The following SHANK2 variants were observed in gnomAD, a reference collection of about 807,000 sequenced individuals.
The protein encoded by SHANK2 is SH3 and multiple ankyrin repeat domains 2.
In SHANK2, 43 loss-of-function variants were observed where a neutral mutation model predicts 133.7. The observed-to-expected ratio is 0.32, with a 90% CI of 0.25 to 0.41. The LOEUF (loss-of-function observed/expected upper bound fraction) is 0.41, where lower values mean the gene tolerates loss of function less well. SHANK2 is among the 10% of genes least tolerant of loss of function. The probability of loss-of-function intolerance (pLI) is 1.00; values close to 1 mark genes in which losing one functional copy is unlikely to be tolerated. For synonymous variants in SHANK2, 1,017 were observed against 952.8 expected (o/e 1.07, Z -1.24); for missense variants, 1,994 against 2,235.8 (o/e 0.89, Z 2.18).
intron 17 of SHANK2, among the ~76,000 whole-genome samples, chr11:70,580,066 G>A (rs577724700): frequency 3.3e-5 from 5 of 152,192 alleles, no homozygotes; most frequent in African/African-American, 1.2e-4. Flanking sequence ...TAATAAACAC[G>A]TGTTGCTGGA....
In SHANK2 at chr11:70,808,984, CTA is replaced by C. The variant is rs1231651836; in HGVS notation, c.1494-1815_1494-1814del. Reference sequence around the variant, plus strand: ...TGTATGTCATTGATTTTGCACAGAGCTATGTTTTCAACCTGACTTCTACACCC... The same window carrying C: ...TGTATGTCATTGATTTTGCACAGAGCTGTTTTCAACCTGACTTCTACACCC... On this transcript the variant is annotated intron_variant, in intron 12 of 25. Coordinates refer to ENST00000601538, the MANE Select transcript of SHANK2 (RefSeq NM_012309.5). 3.9e-5 allele frequency among the ~76,000 whole-genome samples: 6 copies of C among 152,168 alleles called. No homozygotes were observed. In the East Asian group the frequency reaches 1.2e-3, roughly 29 times the overall value.
At position 71,103,080 on chromosome 11, in the gene SHANK2, C is replaced by T. The variant is rs1223799699; in HGVS notation, c.592+6861G>A. Among the ~76,000 whole-genome samples, 2 of 152,202 alleles carry T rather than the reference C, an allele frequency of 1.3e-5. 1 individual carries two copies. Among genetic ancestry groups the T allele is most frequent in the East Asian group, 3.8e-4 (2 of 5,200 alleles). ...AATCCCATTCACAAGGGCTCTGCCC[C>T]CAGGAGCCCATCACCTGCTGAAGGC... On this transcript the variant is annotated intron_variant, in intron 6 of 25. Coordinates refer to ENST00000601538, the MANE Select transcript of SHANK2 (RefSeq NM_012309.5).
chr11:70,952,662 C>T, intron 10 of SHANK2: 1 of 314,266 alleles, frequency 3.2e-6, no homozygotes, highest in Non-Finnish European at 7.0e-6. Context: ...CGCACCCAAG[C>T]TGCTGACGAT....
At position 70,631,546 on chromosome 11, in the gene SHANK2, T is replaced by A. The variant is rs368557294; in HGVS notation, c.2061+28282A>T. ...CGGCAAAGTCCCAGCGGACAGTGAG[T>A]CACTGAGTGCTGGGCCAGGCACAAG... On this transcript the variant is annotated intron_variant, in intron 17 of 25. Coordinates refer to ENST00000601538, the MANE Select transcript of SHANK2 (RefSeq NM_012309.5). 1.6e-4 allele frequency among the ~76,000 whole-genome samples: 24 copies of A among 152,228 alleles called. No homozygotes were observed. In the South Asian group the frequency reaches 2.9e-3, roughly 18 times the overall value.
intron 11 of SHANK2, among the ~76,000 whole-genome samples, chr11:70,835,944 G>A (rs1326906686): frequency 6.6e-6 from 1 of 152,054 alleles, no homozygotes; most frequent in African/African-American, 2.4e-5. Context: ...TGGGCACCCC[G>A]AGCCCACTGC....
At chr11:70,789,482 C>A (rs555639393) in intron 14 of SHANK2, among the ~76,000 whole-genome samples, 2 of 152,276 alleles carry the variant, frequency 1.3e-5, no homozygotes, top group South Asian at 4.2e-4. Context: ...TACACTCACA[C>A]CTTCTACCCA....
At chr11:71,156,437 G>A (rs1381133366) in intron 2 of SHANK2, among the ~76,000 whole-genome samples, 2 of 152,224 alleles carry the variant, frequency 1.3e-5, no homozygotes, top group South Asian at 2.1e-4. Context: ...TGGTGTCACC[G>A]TCTCCTGTCC....
intron 15 of SHANK2, among the ~76,000 whole-genome samples, chr11:70,678,041 A>T (rs1944936723): frequency 6.6e-6 from 1 of 151,830 alleles, no homozygotes; most frequent in African/African-American, 2.4e-5. Flanking sequence ...CCTTGCACCA[A>T]TTTTCCCAGG....
intron 2 of SHANK2, among the ~76,000 whole-genome samples, chr11:71,174,335 T>C (rs1555112737): frequency 6.6e-6 from 1 of 151,728 alleles, no homozygotes; most frequent in African/African-American, 2.4e-5. Flanking sequence ...AGTCCAAGAG[T>C]TTGAGACCAG....
At position 70,857,694 on chromosome 11, in the gene SHANK2, G is replaced by A. The variant is rs75846386; in HGVS notation, c.1175-37012C>T. On this transcript the variant is annotated intron_variant, in intron 11 of 25. Coordinates refer to ENST00000601538, the MANE Select transcript of SHANK2 (RefSeq NM_012309.5). ...CACCTCTTGCTATTAGGGGCATCAC[G>A]GAGCACAAGGGGAGATCTAAGCCCA... is the stretch of plus-strand genomic sequence containing the variant. Among the ~76,000 whole-genome samples the A allele has an allele frequency of 2.0e-4, 30 of 152,288 alleles. No individual in the cohort carries two copies. The East Asian group carries it at 4.8e-3, about 25-fold the overall frequency.
chr11:70,680,123 C>A (rs1208813726), intron 15 of SHANK2, among the ~76,000 whole-genome samples: 1 of 152,152 alleles, frequency 6.6e-6, no homozygotes, highest in Non-Finnish European at 1.5e-5. Flanking sequence ...TCGGTTTCTC[C>A]ATCTGTAACG....
intron 17 of SHANK2, among the ~76,000 whole-genome samples, chr11:70,507,900 G>A (rs782541617): frequency 1.3e-5 from 2 of 152,264 alleles, no homozygotes; most frequent in Non-Finnish European, 2.9e-5. Context: ...CTGGGGCTGG[G>A]AGGAACCCGC....
chr11:70,640,532 G>A (rs1364661221), intron 17 of SHANK2, among the ~76,000 whole-genome samples: 5 of 152,246 alleles, frequency 3.3e-5, no homozygotes, highest in African/African-American at 1.2e-4. Flanking sequence ...CTCAGTTTCT[G>A]GTCATTTGTG....
intron 14 of SHANK2, among the ~76,000 whole-genome samples, chr11:70,790,443 A>G (rs1349830532): frequency 6.6e-6 from 1 of 152,190 alleles, no homozygotes; most frequent in Non-Finnish European, 1.5e-5. Flanking sequence ...TGTGGTTAAC[A>G]TTTACAGTCT....
intron 1 of SHANK2, among the ~76,000 whole-genome samples, chr11:71,237,064 T>C (rs973564864): frequency 2.6e-5 from 4 of 152,146 alleles, no homozygotes; most frequent in Non-Finnish European, 2.9e-5. Flanking sequence ...ACAGTGACCC[T>C]GGAAATGGTC....
intron 2 of SHANK2, among the ~76,000 whole-genome samples, chr11:71,162,073 G>T (rs1953032774): frequency 6.6e-6 from 1 of 152,182 alleles, no homozygotes; most frequent in African/African-American, 2.4e-5. Flanking sequence ...AGCATCACAT[G>T]ATCTCAATGG....
rs181411993 is a variant in SHANK2, at chr11:70,906,973, G to A, written c.1108-10406C>T. ...TGCAGGGCCAGGGCCTTTGCAAATC[G>A]ATGTGTATTACCCAGAAGCCCCTGG... On this transcript the variant is annotated intron_variant, in intron 10 of 25. Coordinates refer to ENST00000601538, the MANE Select transcript of SHANK2 (RefSeq NM_012309.5). Among the ~76,000 whole-genome samples the A allele has an allele frequency of 3.6e-4, 55 of 152,302 alleles. 1 individual carries two copies. The East Asian group carries it at 5.4e-3, about 15-fold the overall frequency.
chr11:70,714,418 T>C (rs1945865790), intron 14 of SHANK2, among the ~76,000 whole-genome samples: 1 of 152,218 alleles, frequency 6.6e-6, no homozygotes, highest in South Asian at 2.1e-4. Context: ...AGGCCTTATC[T>C]TGTTTAGCCA....
intron 14 of SHANK2, among the ~76,000 whole-genome samples, chr11:70,729,881 T>C (rs868967488): frequency 6.9e-6 from 1 of 144,816 alleles, no homozygotes; most frequent in Admixed American, 6.9e-5. Context: ...TTGAGAATGA[T>C]ATCTCAACAA....
Sources: gnomAD v4.1 joint callset for allele counts (sites outside exome capture counted in the v4.1 genomes callset) on GRCh38, gnomAD v4.1.1 for gene constraint, MANE v1.5 for transcripts, NCBI Gene and HGNC (gene_info 2026-07-23, HGNC 2026-07-21) for gene names.